Variants in TMPRSS6 observed in about 807,000 individuals in gnomAD.
The protein encoded by TMPRSS6 is transmembrane protease serine 6.
Under a neutral mutation model 101.5 loss-of-function variants are expected in TMPRSS6, and 67 were observed. The ratio of observed to expected loss-of-function variants is 0.66; its 90% CI spans 0.54 to 0.81. TMPRSS6 has a LOEUF of 0.81. Ranked by LOEUF, TMPRSS6 falls within the 30% of genes least tolerant of loss-of-function variation. The pLI is 0.00. For synonymous variants in TMPRSS6, 453 were observed against 464.9 expected (o/e 0.97, Z 0.33); for missense variants, 1,034 against 1,088.7 (o/e 0.95, Z 0.71).
chr22:37,103,334 G>C lies in TMPRSS6; in HGVS notation c.84C>G (p.Phe28Leu), dbSNP rs1930483124. Residue 28 changes from phenylalanine (F) to leucine (L), a missense_variant, in exon 2 of 18, where the codon TTC becomes TTG. Phe to Leu is a conservative substitution (Grantham distance 22). Coordinates refer to ENST00000676104, the MANE Select transcript of TMPRSS6 (RefSeq NM_001374504.1). The surrounding 1 kb of genome is among the most constrained non-coding windows in gnomAD (Gnocchi z 4.4). ...TTCTCTTGGAGTCCTCACAGGCCTT[G>C]AACATCCCCTCCGGCTCCGCTTCCT... ...DGEEAEPEGM[F>L]KACEDSKRKA... 4 of 1,614,208 alleles carry C rather than the reference G, an allele frequency of 2.5e-6. No individual in the cohort carries two copies. The highest frequency in any genetic ancestry group is 3.4e-6 in the Non-Finnish European group (4 of 1,180,042).
chr22:37,088,874 A>G (rs1928993671), intron 7 of TMPRSS6, among the ~76,000 whole-genome samples: 1 of 152,176 alleles, frequency 6.6e-6, no homozygotes, highest in Admixed American at 6.5e-5. Flanking sequence ...AAATCCTCCA[A>G]TGATCCGGCA....
chr22:37,069,051 G>C lies in TMPRSS6; in HGVS notation c.2113+22C>G, dbSNP rs1427605694. ...TCCGCACGGTCTCCCTCCGCCTCCC[G>C]CCGCAAGTCCCCGCTGCTCACCGCC... On this transcript the variant is annotated intron_variant, in intron 16 of 17. Transcript: ENST00000676104. The surrounding 1 kb of genome is among the most constrained non-coding windows in gnomAD (Gnocchi z 4.8). The C allele has an allele frequency of 6.5e-7, 1 of 1,535,814 alleles. No homozygotes were observed. Among genetic ancestry groups the C allele is most frequent in the Non-Finnish European group, 8.7e-7 (1 of 1,147,006 alleles).
intron 12 of TMPRSS6, 133 bp downstream of exon 12, chr22:37,074,477 G>T: frequency 1.2e-6 from 1 of 863,940 alleles, no homozygotes; most frequent in Non-Finnish European, 1.8e-6. Context: ...CACAGTGAGA[G>T]AACCCCACTT....
intron 2 of TMPRSS6, among the ~76,000 whole-genome samples, chr22:37,098,923 T>C (rs1266437090): frequency 6.6e-6 from 1 of 152,180 alleles, no homozygotes; most frequent in African/African-American, 2.4e-5. Context: ...ATCCTTCCAC[T>C]CGTGAGGTCA....
intron 6 of TMPRSS6, among the ~76,000 whole-genome samples, chr22:37,090,213 C>T (rs991271070): frequency 6.6e-6 from 1 of 152,188 alleles, no homozygotes; most frequent in African/African-American, 2.4e-5. Flanking sequence ...GAGAAAAGTA[C>T]ACACAGGGCA....
intron 6 of TMPRSS6, among the ~76,000 whole-genome samples, chr22:37,094,348 T>C (rs1929541506): frequency 6.6e-6 from 1 of 152,222 alleles, no homozygotes; most frequent in Non-Finnish European, 1.5e-5. Context: ...GGTAATCTTA[T>C]TCTAGCAATT....
intron 1 of TMPRSS6, among the ~76,000 whole-genome samples, chr22:37,106,794 A>T (rs376936739): frequency 6.6e-6 from 1 of 152,120 alleles, no homozygotes; most frequent in East Asian, 1.9e-4. Context: ...TCCATCATGC[A>T]CATGGTGCCC....
At chr22:37,066,791 CCCT>C (rs1262194223) in intron 17 of TMPRSS6, 32 bp downstream of exon 17, 1 of 1,609,552 alleles carries the variant, frequency 6.2e-7, no homozygotes, top group East Asian at 2.2e-5. Flanking sequence ...CATCCTTTCT[CCCT>C]CCTCTCTCCC....
At chr22:37,084,447 G>T (rs1928530173) in intron 9 of TMPRSS6, 43 bp from the exon 10 acceptor site, 4 of 1,501,492 alleles carry the variant, frequency 2.7e-6, no homozygotes, top group Non-Finnish European at 2.8e-6. Context: ...ATGGGGTGTG[G>T]CCAGGTTGGT....
At chr22:37,106,242 A>C (rs2146197145) in intron 1 of TMPRSS6, among the ~76,000 whole-genome samples, 1 of 152,082 alleles carries the variant, frequency 6.6e-6, no homozygotes, top group African/African-American at 2.4e-5. Context: ...GATTGACTTC[A>C]GAGTGACGCC....
At chr22:37,089,544 G>GGCCCCCCAACC in intron 7 of TMPRSS6, 34 bp downstream of exon 7, 2 of 1,348,864 alleles carry the variant, frequency 1.5e-6, no homozygotes, top group Non-Finnish European at 2.1e-6. Flanking sequence ...CCCTTTTCCA[G>GGCCCCCCAACC]CCCTCCCTCC....
At chr22:37,093,626 C>T (rs1042949376) in intron 6 of TMPRSS6, among the ~76,000 whole-genome samples, 7 of 150,182 alleles carry the variant, frequency 4.7e-5, no homozygotes, top group Non-Finnish European at 8.9e-5. Context: ...TGGTCTCAAA[C>T]TCCTGACCTC....
intron 10 of TMPRSS6, among the ~76,000 whole-genome samples, chr22:37,078,708 AG>A (rs1569005211): frequency 5.3e-4 from 75 of 140,784 alleles, no homozygotes; most frequent in African/African-American, 1.8e-3. Flanking sequence ...AGGAAGAGGA[AG>A]GAGGAGGCGG....
intron 1 of TMPRSS6, among the ~76,000 whole-genome samples, chr22:37,104,689 C>A (rs755656197): frequency 6.6e-6 from 1 of 152,004 alleles, no homozygotes; most frequent in African/African-American, 2.4e-5. Context: ...GGCCGGGTGC[C>A]GTGGCTCACG....
At position 37,095,533 on chromosome 22, in the gene TMPRSS6, GA is replaced by G. The variant is rs565759264; in HGVS notation, c.631+17del. The G allele has an allele frequency of 4.2e-4, 659 of 1,558,370 alleles. 1 individual carries two copies. Among genetic ancestry groups the G allele is most frequent in the East Asian group, 3.1e-3 (137 of 43,532 alleles). ...CAACTCAAAAGGAAAATGGGGAGGG[GA>G]AAAAAAAATAGCGTACCCAGCGTGG... On this transcript the variant is annotated intron_variant, in intron 6 of 17. Transcript: ENST00000676104.
At chr22:37,091,725 C>T (rs904662901) in intron 6 of TMPRSS6, among the ~76,000 whole-genome samples, 2 of 152,200 alleles carry the variant, frequency 1.3e-5, no homozygotes, top group South Asian at 2.1e-4. Context: ...ATGTTCACTA[C>T]CTCTGGGTAG....
At chr22:37,099,443 T>A (rs1380403530) in intron 2 of TMPRSS6, among the ~76,000 whole-genome samples, 1 of 152,236 alleles carries the variant, frequency 6.6e-6, no homozygotes, top group African/African-American at 2.4e-5. Flanking sequence ...ATCAGACTTC[T>A]GTTTTGCAAA....
intron 10 of TMPRSS6, among the ~76,000 whole-genome samples, chr22:37,083,788 G>A (rs1375051190): frequency 6.6e-6 from 1 of 152,222 alleles, no homozygotes; most frequent in Non-Finnish European, 1.5e-5. Context: ...GTGCCCCGTT[G>A]GGGATTCGGG....
chr22:37,072,121 G>A (rs1440841393), intron 13 of TMPRSS6, among the ~76,000 whole-genome samples: 2 of 151,066 alleles, frequency 1.3e-5, no homozygotes, highest in Non-Finnish European at 1.5e-5. Context: ...ACGGATGATG[G>A]ATGGATGATG....
Sources: allele counts gnomAD v4.1 joint callset (sites outside exome capture counted in the v4.1 genomes callset), GRCh38; gene constraint gnomAD v4.1.1; non-coding constraint Gnocchi (gnomAD v3.1); transcripts MANE v1.5; gene names NCBI Gene and HGNC (gene_info 2026-07-23, HGNC 2026-07-21).